The following FBH1 variants were observed in gnomAD, a reference collection of about 807,000 sequenced individuals.
FBH1 encodes F-box DNA helicase 1, also known as DNA 3'-5' helicase 1.
Under a neutral mutation model 115.5 loss-of-function variants are expected in FBH1, and 43 were observed. The ratio of observed to expected loss-of-function variants is 0.37; its 90% CI spans 0.29 to 0.48. The LOEUF (loss-of-function observed/expected upper bound fraction) is 0.48. Among genes scored for constraint, FBH1 ranks in the 20% least tolerant of loss-of-function variants. The pLI, the probability that FBH1 is intolerant of heterozygous loss-of-function variation, is 0.99. For missense variants in FBH1, 1,001 were observed against 1,337.3 expected, an observed-to-expected ratio of 0.75 and a Z score of 3.92; for synonymous variants, 524 against 507.8, an observed-to-expected ratio of 1.03 and a Z score of -0.43.
In FBH1 at chr10:5,914,542, G is replaced by A. The variant is rs1027032012; in HGVS notation, c.1396+273G>A. On this transcript the variant is annotated intron_variant, in intron 8 of 20. Transcript: ENST00000362091. This position sits in a 1 kb window ranked among gnomAD's most constrained non-coding sequence, Gnocchi z 5.2. The stretch of plus-strand genomic sequence containing the variant: ...TGCCCCCGGGATTGAGCCCAGCATT[G>A]TGATGTTTGCTCAGGCACTGATTGC... Among the ~76,000 whole-genome samples the A allele has an allele frequency of 9.2e-5, 14 of 152,244 alleles. No homozygotes were observed. The highest frequency in any genetic ancestry group is 3.4e-4 in the African/African-American group (14 of 41,460).
chr10:5,929,151 G>A (rs61834504), intron 19 of FBH1, among the ~76,000 whole-genome samples: 9,850 of 152,282 alleles, frequency 0.065, 439 homozygotes, highest in Middle Eastern at 0.11. Flanking sequence ...GCATAACAGT[G>A]GGCAGGGAAA....
At chr10:5,905,053 G>T (rs1231700305) in intron 2 of FBH1, among the ~76,000 whole-genome samples, 1 of 152,204 alleles carries the variant, frequency 6.6e-6, no homozygotes, top group Non-Finnish European at 1.5e-5. Flanking sequence ...TTCCTGAAAA[G>T]TCTGTGAGGT....
chr10:5,899,571 A>G (rs1843215679), intron 1 of FBH1, among the ~76,000 whole-genome samples: 1 of 152,090 alleles, frequency 6.6e-6, no homozygotes, highest in Admixed American at 6.5e-5. Context: ...CTGTTTGAGG[A>G]GAGAGAAAAG....
rs1831888398 is a variant in FBH1 at position 5,915,759 on chromosome 10, T to C, written c.1565+188T>C. ...TGTACTTTTATCCTGTAGCAACATA[T>C]TGTTTACATATAATGCCGTCTTGCC... On this transcript the variant is annotated intron_variant, in intron 9 of 20. Transcript: ENST00000362091. This position sits in a 1 kb window ranked among gnomAD's most constrained non-coding sequence, Gnocchi z 5.2. 1.7e-6 allele frequency: 1 copy of C among 598,020 alleles called. No homozygotes were observed. The highest frequency in any genetic ancestry group is 1.9e-5 in the African/African-American group (1 of 53,932). The allele number at this position is 598,020 out of a possible 1,614,324, so 37.0% of individuals were successfully genotyped here.
At chr10:5,922,675 G>A (rs754669280) in intron 15 of FBH1, among the ~76,000 whole-genome samples, 89 of 152,120 alleles carry the variant, frequency 5.9e-4, no homozygotes, top group Non-Finnish European at 9.6e-4. Context: ...TGTTTTATGT[G>A]TCCCTCCCTA....
Position 5,918,162 on chromosome 10 carries a change from G to C in FBH1, c.1964-180G>C, listed in dbSNP as rs1345497102. Among the ~76,000 whole-genome samples, 2 of 152,214 alleles carry C rather than the reference G, an allele frequency of 1.3e-5. No homozygotes were observed. The highest frequency in any genetic ancestry group is 3.8e-4 in the East Asian group (2 of 5,196). On this transcript the variant is annotated intron_variant, in intron 12 of 20. Coordinates refer to ENST00000362091, the MANE Select transcript of FBH1 (RefSeq NM_178150.3). This position sits in a 1 kb window ranked among gnomAD's most constrained non-coding sequence, Gnocchi z 4.0. ...ATCTGCATTCCTAGCACCAGAAACT[G>C]TTTCTTTTGTCCATTATAAAATGGC...
In FBH1 at chr10:5,932,656, A is replaced by T. The variant is rs1393129208; in HGVS notation, c.2830-3800A>T. Among the ~76,000 whole-genome samples, 1 of 152,230 alleles carries T rather than the reference A, an allele frequency of 6.6e-6. No homozygotes were observed. Among genetic ancestry groups the T allele is most frequent in the Non-Finnish European group, 1.5e-5 (1 of 68,044 alleles). ...CTGTTTTTGCCAGTGCATCTTCAGCATGCATTTCTAGAAGTGGAATTGCTG... is the reference window on the plus strand; with the variant it reads ...CTGTTTTTGCCAGTGCATCTTCAGCTTGCATTTCTAGAAGTGGAATTGCTG... On this transcript the variant is annotated intron_variant, in intron 19 of 20. Transcript: ENST00000362091. This position sits in a 1 kb window ranked among gnomAD's most constrained non-coding sequence, Gnocchi z 5.9.
chr10:5,923,280 G>A lies in FBH1; in HGVS notation c.2323-341G>A, dbSNP rs929876743. 1.3e-5 allele frequency among the ~76,000 whole-genome samples: 2 copies of A among 152,200 alleles called. No homozygotes were observed. The highest frequency in any genetic ancestry group is 2.4e-5 in the African/African-American group (1 of 41,442). On this transcript the variant is annotated intron_variant, in intron 15 of 20. Transcript: ENST00000362091. This position sits in a 1 kb window ranked among gnomAD's most constrained non-coding sequence, Gnocchi z 5.7. ...TTCTTTGGAATCGTCTTATGTTCTT[G>A]GAAGATGCTTAAATTGCCTTTTTAT...
At position 5,935,421 on chromosome 10, in the gene FBH1, G is replaced by T. The variant is rs1435189061; in HGVS notation, c.2830-1035G>T. On this transcript the variant is annotated intron_variant, in intron 19 of 20. Transcript: ENST00000362091. This position sits in a 1 kb window ranked among gnomAD's most constrained non-coding sequence, Gnocchi z 5.2. ...CTATAAAAGGAGACCTGTGTCCTTG[G>T]ACACGTGTAAACGAGAAGCTATTTC... 6.6e-6 allele frequency: 1 copy of T among 152,198 alleles called. No homozygotes were observed. Among genetic ancestry groups the T allele is most frequent in the Admixed American group, 6.5e-5 (1 of 15,280 alleles). The allele number at this position is 152,198 out of a possible 1,614,324, so 9.4% of individuals were successfully genotyped here.
In FBH1 at chr10:5,921,227, C is replaced by T; in HGVS notation, c.2101-31C>T. 2 of 1,603,696 alleles carry T rather than the reference C, an allele frequency of 1.2e-6. No individual in the cohort carries two copies. The highest frequency in any genetic ancestry group is 1.3e-5 in the African/African-American group (1 of 74,812). ...ATGCACGGACACACCACAGGGCGGG[C>T]TGCTGACTCCCTCTGTCTTGTTGTT... On this transcript the variant is annotated intron_variant, in intron 13 of 20. Transcript: ENST00000362091. The surrounding 1 kb of genome is among the most constrained non-coding windows in gnomAD (Gnocchi z 6.4).
At position 5,909,085 on chromosome 10, in the gene FBH1, G is replaced by A. The variant is rs376296626; in HGVS notation, c.884+30G>A. ...GCTTTGCCTGTGCTGTAAAGAAGGC[G>A]TCTTTGAAGTCTTCCTTGTACATCA... On this transcript the variant is annotated intron_variant, in intron 4 of 20. Transcript: ENST00000362091. This position sits in a 1 kb window ranked among gnomAD's most constrained non-coding sequence, Gnocchi z 4.4. 59 of 1,613,706 alleles carry A rather than the reference G, an allele frequency of 3.7e-5. No homozygotes were observed. The highest frequency in any genetic ancestry group is 3.3e-4 in the Middle Eastern group (2 of 6,084).
At position 5,923,778 on chromosome 10, in the gene FBH1, C is replaced by A; in HGVS notation, c.2398+82C>A. 1 of 1,321,212 alleles carries A rather than the reference C, an allele frequency of 7.6e-7. No homozygotes were observed. The highest frequency in any genetic ancestry group is 1.2e-5 in the South Asian group (1 of 80,624). The allele number at this position is 1,321,212 out of a possible 1,614,324, so 81.8% of individuals were successfully genotyped here. The stretch of plus-strand genomic sequence containing the variant: ...AGAAAGAAGCAGGCCCAGTCTGAGT[C>A]AGGGACCCGTTTCCCTCCAGAGAAG... On this transcript the variant is annotated intron_variant, in intron 16 of 20. Transcript: ENST00000362091. This position sits in a 1 kb window ranked among gnomAD's most constrained non-coding sequence, Gnocchi z 5.7.
At position 5,906,554 on chromosome 10, in the gene FBH1, C is replaced by T. The variant is rs200796272; in HGVS notation, c.675C>T (p.Ala225=). Residue 225 remains alanine (A), a synonymous_variant, in exon 3 of 21, where the codon GCC becomes GCT. Coordinates refer to ENST00000362091, the MANE Select transcript of FBH1 (RefSeq NM_178150.3). The surrounding 1 kb of genome is among the most constrained non-coding windows in gnomAD (Gnocchi z 7.3). ...GTGAGGTCCTGAGGCACGTGTTTGCCTTCCTCCCGGTGGAAGACCTCTATT... is the reference window on the plus strand; with the variant it reads ...GTGAGGTCCTGAGGCACGTGTTTGCTTTCCTCCCGGTGGAAGACCTCTATT... ...LPSEVLRHVF[A]FLPVEDLYWN... is the part of the protein sequence containing the mutation. 2 of 1,614,096 alleles carry T rather than the reference C, an allele frequency of 1.2e-6. No homozygotes were observed.
intron 1 of FBH1, among the ~76,000 whole-genome samples, chr10:5,899,368 T>C (rs1843201471): frequency 6.6e-6 from 1 of 152,210 alleles, no homozygotes; most frequent in South Asian, 2.1e-4. Context: ...AAGCTTTTCT[T>C]CTCCAGGCCA....
At chr10:5,892,844 G>C (rs949414572) in intron 1 of FBH1, among the ~76,000 whole-genome samples, 4 of 152,174 alleles carry the variant, frequency 2.6e-5, no homozygotes, top group African/African-American at 9.7e-5. Flanking sequence ...ATGTTCTTAT[G>C]CACCTGCAGG....
At chr10:5,934,505 T>C (rs1273116510) in intron 19 of FBH1, 2 of 150,238 alleles carry the variant, frequency 1.3e-5, no homozygotes, top group Admixed American at 6.7e-5. Context: ...AGCCTCAGAG[T>C]AGCTGGGATT....
At chr10:5,927,683 C>G in intron 19 of FBH1, 142 bp downstream of exon 19, 1 of 614,310 alleles carries the variant, frequency 1.6e-6, no homozygotes. Flanking sequence ...GTGCAAAGGC[C>G]GATGACCAGT....
intron 19 of FBH1, chr10:5,929,611 A>C (rs1394950899): frequency 6.6e-6 from 1 of 152,226 alleles, no homozygotes; most frequent in African/African-American, 2.4e-5. Context: ...TCTGCAAGTC[A>C]CATGATCTCT....
chr10:5,912,981 T>C (rs751001332), intron 6 of FBH1, among the ~76,000 whole-genome samples: 55 of 152,278 alleles, frequency 3.6e-4, no homozygotes, highest in African/African-American at 7.5e-4. Flanking sequence ...GGTCGAGGCT[T>C]GGAGATGGGC....
Sources: gnomAD v4.1 joint callset for allele counts (sites outside exome capture counted in the v4.1 genomes callset) on GRCh38, gnomAD v4.1.1 for gene constraint, Gnocchi (gnomAD v3.1) non-coding constraint, MANE v1.5 for transcripts, NCBI Gene and HGNC (gene_info 2026-07-23, HGNC 2026-07-21) for gene names.